The following UGGT2 variants were observed in gnomAD, a reference collection of about 807,000 sequenced individuals.
The protein encoded by UGGT2 is UDP-glucose glycoprotein glucosyltransferase 2.
In UGGT2, 180 loss-of-function variants were observed where a neutral mutation model predicts 192.1. The ratio of observed to expected loss-of-function variants is 0.94; its 90% CI spans 0.83 to 1.06. UGGT2 has a LOEUF of 1.06. Ranked by LOEUF, UGGT2 falls within the 50% of genes least tolerant of loss-of-function variation. UGGT2 has a pLI of 0.00. For synonymous variants in UGGT2, 580 were observed against 591.0 expected, an observed-to-expected ratio of 0.98 and a Z score of 0.27; for missense variants, 1,849 against 1,795.7, an observed-to-expected ratio of 1.03 and a Z score of -0.54.
chr13:95,849,709 G>T (rs567857242), intron 36 of UGGT2, among the ~76,000 whole-genome samples: 1 of 151,670 alleles, frequency 6.6e-6, no homozygotes, highest in Non-Finnish European at 1.5e-5. Flanking sequence ...TGGTTCAGGG[G>T]TACATGTACA....
intron 4 of UGGT2, among the ~76,000 whole-genome samples, chr13:96,014,744 C>T (rs542609920): frequency 6.6e-6 from 1 of 152,260 alleles, no homozygotes; most frequent in East Asian, 1.9e-4. Context: ...CAAAATCATA[C>T]TTCACTTTGA....
At chr13:95,962,268 A>T (rs1336872274) in intron 12 of UGGT2, among the ~76,000 whole-genome samples, 1 of 152,168 alleles carries the variant, frequency 6.6e-6, no homozygotes, top group East Asian at 1.9e-4. Flanking sequence ...AAAAATACAA[A>T]GGATCAACAA....
At chr13:95,854,542 C>A in intron 34 of UGGT2, 67 bp from the exon 35 acceptor site, 2 of 1,355,880 alleles carry the variant, frequency 1.5e-6, no homozygotes, top group South Asian at 1.6e-5. Flanking sequence ...TTATGGGAAT[C>A]TCAAATCATT....
intron 38 of UGGT2, among the ~76,000 whole-genome samples, chr13:95,810,716 G>A (rs1420724572): frequency 4.6e-5 from 7 of 152,070 alleles, no homozygotes; most frequent in Admixed American, 4.6e-4. Context: ...GTCAAATGTA[G>A]TTTCTTAGCT....
intron 22 of UGGT2, among the ~76,000 whole-genome samples, chr13:95,899,565 T>C (rs1301312350): frequency 6.6e-6 from 1 of 152,094 alleles, no homozygotes; most frequent in African/African-American, 2.4e-5. Flanking sequence ...TAACACTATA[T>C]GAATTATATC....
At chr13:95,820,870 C>T (rs1047021060) in intron 38 of UGGT2, among the ~76,000 whole-genome samples, 6 of 151,918 alleles carry the variant, frequency 3.9e-5, no homozygotes, top group African/African-American at 1.2e-4. Context: ...CTTTCCATTC[C>T]GGAATTACTT....
At chr13:95,974,254 C>T (rs2050867699) in intron 10 of UGGT2, among the ~76,000 whole-genome samples, 1 of 152,138 alleles carries the variant, frequency 6.6e-6, no homozygotes, top group Admixed American at 6.5e-5. Context: ...TTAGATGTGC[C>T]TATCAAAGTT....
At chr13:95,905,892 G>C (rs2048275557) in intron 20 of UGGT2, among the ~76,000 whole-genome samples, 1 of 152,044 alleles carries the variant, frequency 6.6e-6, no homozygotes, top group Non-Finnish European at 1.5e-5. Context: ...TTTTGTGTAT[G>C]ACGTGAAAAG....
At chr13:95,957,677 C>T (rs575640646) in intron 12 of UGGT2, among the ~76,000 whole-genome samples, 6 of 152,180 alleles carry the variant, frequency 3.9e-5, no homozygotes, top group African/African-American at 1.2e-4. Context: ...TCCTTCACTG[C>T]CAACCTTAGA....
chr13:95,944,593 A>G (rs886674504), intron 15 of UGGT2, among the ~76,000 whole-genome samples: 2 of 152,180 alleles, frequency 1.3e-5, no homozygotes, highest in African/African-American at 2.4e-5. Flanking sequence ...TTTTTTCAGA[A>G]TATCAACTTT....
intron 1 of UGGT2, among the ~76,000 whole-genome samples, chr13:96,048,286 T>C (rs1405910992): frequency 6.6e-6 from 1 of 152,064 alleles, no homozygotes. Context: ...TTGAAACCAA[T>C]AAGAACAAAG....
intron 36 of UGGT2, among the ~76,000 whole-genome samples, chr13:95,842,433 A>G (rs1022345409): frequency 6.6e-6 from 1 of 152,176 alleles, no homozygotes. Context: ...ATTGAGTAGT[A>G]TTACATTCTA....
Position 95,877,263 on chromosome 13 carries a change from A to G in UGGT2, c.3473+16T>C. ...TATTTATGTGTAAAAATTTAAAAGC[A>G]GCCTGCATAACTCACCCAACTATTT... is the stretch of plus-strand genomic sequence containing the variant. On this transcript the variant is annotated intron_variant, in intron 29 of 38. Coordinates refer to ENST00000376747, the MANE Select transcript of UGGT2 (RefSeq NM_020121.4). The G allele has an allele frequency of 6.4e-7, 1 of 1,551,084 alleles. No individual in the cohort carries two copies. The highest frequency in any genetic ancestry group is 2.1e-5 in the Admixed American group (1 of 46,872).
At chr13:95,925,656 T>C (rs371608049) in intron 20 of UGGT2, 24 bp downstream of exon 20, 1 of 1,392,984 alleles carries the variant, frequency 7.2e-7, no homozygotes, top group Non-Finnish European at 9.7e-7. Context: ...TTAAAATTGT[T>C]AGTAAGAATA....
chr13:96,034,348 A>C (rs2052933699), intron 1 of UGGT2, among the ~76,000 whole-genome samples: 1 of 152,198 alleles, frequency 6.6e-6, no homozygotes, highest in Non-Finnish European at 1.5e-5. Flanking sequence ...TGCCAGCAGA[A>C]AGGAGCTACC....
At chr13:96,025,100 A>G (rs1037278770) in intron 2 of UGGT2, among the ~76,000 whole-genome samples, 1 of 152,210 alleles carries the variant, frequency 6.6e-6, no homozygotes, top group Non-Finnish European at 1.5e-5. Context: ...TATGTAATAA[A>G]GCCTTCTTCT....
chr13:95,895,375 T>C, intron 22 of UGGT2, 71 bp from the exon 23 acceptor site: 1 of 962,574 alleles, frequency 1.0e-6, no homozygotes, highest in Non-Finnish European at 1.4e-6. Context: ...CATTTCCTCA[T>C]CAAATAGATA....
intron 27 of UGGT2, among the ~76,000 whole-genome samples, chr13:95,879,397 A>C (rs1220936021): frequency 6.6e-6 from 1 of 152,172 alleles, no homozygotes; most frequent in Admixed American, 6.5e-5. Flanking sequence ...AGGTGATTTA[A>C]GTTAAATTAG....
chr13:95,882,554 T>C (rs2047524180), intron 27 of UGGT2, among the ~76,000 whole-genome samples: 1 of 152,202 alleles, frequency 6.6e-6, no homozygotes, highest in Non-Finnish European at 1.5e-5. Flanking sequence ...ATGAAAAAGA[T>C]GAGCCTGAGG....
Sources: allele counts gnomAD v4.1 joint callset (sites outside exome capture counted in the v4.1 genomes callset), GRCh38; gene constraint gnomAD v4.1.1; transcripts MANE v1.5; gene names NCBI Gene and HGNC (gene_info 2026-07-23, HGNC 2026-07-21).